The following ADGRL3 variants were observed in gnomAD, a reference collection of about 807,000 sequenced individuals.
ADGRL3 encodes adhesion G protein-coupled receptor L3, also known as calcium-independent alpha-latrotoxin receptor 3.
A neutral mutation model predicts 153.5 loss-of-function variants in ADGRL3; 62 were observed. The ratio of observed to expected loss-of-function variants is 0.40; its 90% CI spans 0.33 to 0.50. ADGRL3 has a LOEUF of 0.50. ADGRL3 is among the 20% of genes least tolerant of loss of function. The probability of loss-of-function intolerance (pLI) is 0.47; values close to 1 mark genes in which losing one functional copy is unlikely to be tolerated. For missense variants in ADGRL3, 1,641 were observed against 1,859.4 expected (o/e 0.88, Z 2.16); for synonymous variants, 710 against 672.5 (o/e 1.06, Z -0.86).
At chr4:61,972,169 C>A (rs1270907615) in intron 17 of ADGRL3, among the ~76,000 whole-genome samples, 2 of 151,928 alleles carry the variant, frequency 1.3e-5, no homozygotes, top group East Asian at 3.9e-4. Flanking sequence ...TAATTAGATC[C>A]CATTTGTCAG....
chr4:61,587,595 A>G (rs2098951521), intron 5 of ADGRL3, among the ~76,000 whole-genome samples, 155 bp downstream of exon 5: 1 of 152,136 alleles, frequency 6.6e-6, no homozygotes, highest in South Asian at 2.1e-4. Context: ...GTATCACCAA[A>G]ATGCTAATTG....
At chr4:61,279,459 G>C (rs537560943) in intron 1 of ADGRL3, among the ~76,000 whole-genome samples, 1 of 152,230 alleles carries the variant, frequency 6.6e-6, no homozygotes, top group Non-Finnish European at 1.5e-5. Context: ...ATTGTAACGA[G>C]AGATTTCCTT....
intron 11 of ADGRL3, among the ~76,000 whole-genome samples, chr4:61,907,976 A>G (rs1198190935): frequency 6.6e-6 from 1 of 152,210 alleles, no homozygotes; most frequent in African/African-American, 2.4e-5. Context: ...AAGGCCTCTG[A>G]TAGTAGGACA....
At position 61,912,733 on chromosome 4, in the gene ADGRL3, G is replaced by A. The variant is rs367938937; in HGVS notation, c.2088G>A (p.Glu696=). The A allele has an allele frequency of 4.3e-6, 7 of 1,613,160 alleles. No individual in the cohort carries two copies. The African/African-American group carries it at 9.3e-5, about 22-fold the overall frequency. Residue 696 remains glutamate (E), a synonymous_variant, in exon 13 of 27, where the codon GAG becomes GAA. Coordinates refer to ENST00000683033, the MANE Select transcript of ADGRL3 (RefSeq NM_001387552.1). ...AATGGATTCAGCTTCAGAAAAGAGA[G>A]CGCTCTTGCAGAGCCTATGTCCAGG... ...ARSLNKLQKR[E]RSCRAYVQAM...
intron 5 of ADGRL3, among the ~76,000 whole-genome samples, chr4:61,631,763 A>AT (rs536151007): frequency 2.1e-4 from 31 of 149,804 alleles, no homozygotes; most frequent in South Asian, 1.5e-3. Flanking sequence ...GCTAAATTTA[A>AT]TTTTTTTTTT....
intron 2 of ADGRL3, among the ~76,000 whole-genome samples, chr4:61,479,508 G>A (rs1325773705): frequency 6.6e-6 from 1 of 152,076 alleles, no homozygotes; most frequent in Non-Finnish European, 1.5e-5. Flanking sequence ...GATTCTTAAA[G>A]GGGATCTATT....
At chr4:61,431,885 C>A (rs756996303) in intron 2 of ADGRL3, among the ~76,000 whole-genome samples, 1 of 152,152 alleles carries the variant, frequency 6.6e-6, no homozygotes. Flanking sequence ...TTTATCTCTG[C>A]TTTTCTTTCT....
chr4:61,283,950 C>G (rs1205091508), intron 1 of ADGRL3, among the ~76,000 whole-genome samples: 24 of 151,968 alleles, frequency 1.6e-4, no homozygotes, highest in Admixed American at 1.6e-3. Context: ...ACATCCCCCT[C>G]AATTTAATTG....
chr4:61,903,233 T>G (rs1202175593), intron 11 of ADGRL3, among the ~76,000 whole-genome samples: 2 of 152,212 alleles, frequency 1.3e-5, no homozygotes, highest in Admixed American at 1.3e-4. Context: ...TAGCACCCAT[T>G]AGTATTCCGT....
chr4:61,445,581 G>A (rs2097573562), intron 2 of ADGRL3, among the ~76,000 whole-genome samples: 1 of 152,146 alleles, frequency 6.6e-6, no homozygotes, highest in Non-Finnish European at 1.5e-5. Flanking sequence ...TAGTTAAAGA[G>A]GCAGTTGCTA....
intron 6 of ADGRL3, among the ~76,000 whole-genome samples, chr4:61,712,796 A>G (rs112660484): frequency 0.032 from 4,835 of 152,294 alleles, 238 homozygotes; most frequent in African/African-American, 0.11. Flanking sequence ...GCTGTCTTAT[A>G]TATTCATCAC....
chr4:61,955,032 T>A (rs2098961013), intron 17 of ADGRL3, among the ~76,000 whole-genome samples: 1 of 152,150 alleles, frequency 6.6e-6, no homozygotes, highest in Non-Finnish European at 1.5e-5. Flanking sequence ...GCTTAGAAAA[T>A]TAAATAGGAG....
intron 5 of ADGRL3, among the ~76,000 whole-genome samples, chr4:61,591,641 T>A (rs2098969637): frequency 1.3e-5 from 2 of 152,124 alleles, no homozygotes; most frequent in Admixed American, 1.3e-4. Flanking sequence ...TAAAAATATT[T>A]CTTTTGAGTT....
chr4:61,690,975 T>A (rs781645431), intron 6 of ADGRL3, among the ~76,000 whole-genome samples: 8 of 152,208 alleles, frequency 5.3e-5, no homozygotes, highest in African/African-American at 1.7e-4. Context: ...ATACTCATAT[T>A]AAATGGGTTC....
At chr4:61,411,110 T>C (rs2152265779) in intron 2 of ADGRL3, among the ~76,000 whole-genome samples, 1 of 152,316 alleles carries the variant, frequency 6.6e-6, no homozygotes, top group South Asian at 2.1e-4. Context: ...CACTTGGTCA[T>C]ATGCCCATGA....
At chr4:62,037,551 G>C (rs1354458129) in intron 23 of ADGRL3, among the ~76,000 whole-genome samples, 180 bp from the exon 24 acceptor site, 3 of 151,924 alleles carry the variant, frequency 2.0e-5, no homozygotes, top group Non-Finnish European at 4.4e-5. Flanking sequence ...AAAATTTCAA[G>C]CTTGACAGTA....
chr4:61,587,121 A>G, intron 4 of ADGRL3, 106 bp from the exon 5 acceptor site: 2 of 612,212 alleles, frequency 3.3e-6, no homozygotes, highest in Non-Finnish European at 5.6e-6. Context: ...TAACTGCTTT[A>G]TATCTTCGTA....
intron 1 of ADGRL3, among the ~76,000 whole-genome samples, chr4:61,231,148 G>A (rs1750467006): frequency 1.3e-5 from 2 of 152,146 alleles, no homozygotes; most frequent in African/African-American, 2.4e-5. Context: ...AAGTCTGTGC[G>A]GAGATAGTAG....
At chr4:61,684,230 T>A (rs1009660567) in intron 6 of ADGRL3, among the ~76,000 whole-genome samples, 8 of 152,134 alleles carry the variant, frequency 5.3e-5, no homozygotes, top group Non-Finnish European at 1.2e-4. Flanking sequence ...TATTAAGAAA[T>A]GTTTGTTTGA....
Sources: allele counts gnomAD v4.1 joint callset (sites outside exome capture counted in the v4.1 genomes callset), GRCh38; gene constraint gnomAD v4.1.1; transcripts MANE v1.5; gene names NCBI Gene and HGNC (gene_info 2026-07-23, HGNC 2026-07-21).